The following PARD3B variants were observed in gnomAD, a reference collection of about 807,000 sequenced individuals.
The protein encoded by PARD3B is par-3 family cell polarity regulator beta.
In PARD3B, 103 loss-of-function variants were observed where a neutral mutation model predicts 130.2. That is an observed-to-expected ratio of 0.79 (90% CI 0.67 to 0.93). The LOEUF (loss-of-function observed/expected upper bound fraction) is 0.93, where lower values mean the gene tolerates loss of function less well. PARD3B is among the 40% of genes least tolerant of loss of function. PARD3B has a pLI of 0.00. For synonymous variants in PARD3B, 583 were observed against 553.2 expected (o/e 1.05, Z -0.76); for missense variants, 1,609 against 1,499.2 (o/e 1.07, Z -1.21).
intron 2 of PARD3B, among the ~76,000 whole-genome samples, chr2:204,736,775 T>C (rs2039775612): frequency 6.6e-6 from 1 of 152,204 alleles, no homozygotes; most frequent in African/African-American, 2.4e-5. Context: ...ATGACTTCTT[T>C]TCCTTTGGGT....
At chr2:205,184,246 G>C (rs562024712) in intron 13 of PARD3B, among the ~76,000 whole-genome samples, 2 of 152,236 alleles carry the variant, frequency 1.3e-5, no homozygotes, top group East Asian at 3.9e-4. Context: ...TATCCAGCAC[G>C]TGGACAAGCC....
chr2:205,257,246 A>G (rs1477907733), intron 16 of PARD3B, among the ~76,000 whole-genome samples: 1 of 152,150 alleles, frequency 6.6e-6, no homozygotes, highest in Non-Finnish European at 1.5e-5. Flanking sequence ...CCTACGAAAC[A>G]GCTTACAAAT....
intron 1 of PARD3B, among the ~76,000 whole-genome samples, chr2:204,617,700 C>T (rs1231183298): frequency 6.6e-6 from 1 of 152,194 alleles, no homozygotes; most frequent in Non-Finnish European, 1.5e-5. Flanking sequence ...AACTCCCACT[C>T]TCCACCCTCA....
At position 204,890,469 on chromosome 2, in the gene PARD3B, A is replaced by ATG. The variant is rs1384543369; in HGVS notation, c.223-74681_223-74680dup. On this transcript the variant is annotated intron_variant, in intron 2 of 22. Transcript: ENST00000406610. The surrounding 1 kb of genome is among the most constrained non-coding windows in gnomAD (Gnocchi z 4.9). ...TGAAATATATGCTTCTGACCAAAAC[A>ATG]TGTATACATTGAATATATATTAAAT... Among the ~76,000 whole-genome samples, 1 of 152,202 alleles carries ATG rather than the reference A, an allele frequency of 6.6e-6. No homozygotes were observed. Among genetic ancestry groups the ATG allele is most frequent in the Non-Finnish European group, 1.5e-5 (1 of 68,034 alleles).
chr2:204,692,425 T>C (rs888566317), intron 2 of PARD3B, among the ~76,000 whole-genome samples: 7 of 152,022 alleles, frequency 4.6e-5, no homozygotes, highest in Non-Finnish European at 1.0e-4. Context: ...GTGTAACTTA[T>C]TCAGTCTGTA....
intron 21 of PARD3B, among the ~76,000 whole-genome samples, chr2:205,523,943 GGTTTGAA>G (rs578156903): frequency 9.3e-5 from 14 of 151,082 alleles, no homozygotes; most frequent in Admixed American, 2.0e-4. Flanking sequence ...GATGTCTGGT[GGTTTGAA>G]GTTTGAAGTA....
intron 1 of PARD3B, among the ~76,000 whole-genome samples, chr2:204,660,179 A>G (rs545703771): frequency 6.6e-6 from 1 of 152,224 alleles, no homozygotes; most frequent in Admixed American, 6.5e-5. Context: ...TGAGTATAGA[A>G]CCTTCTGAAT....
At chr2:204,772,568 A>G (rs2041433235) in intron 2 of PARD3B, among the ~76,000 whole-genome samples, 1 of 151,960 alleles carries the variant, frequency 6.6e-6, no homozygotes, top group East Asian at 1.9e-4. Context: ...AAAGTAGAAC[A>G]CAGTTTATAT....
At chr2:205,450,349 C>T (rs752761399) in intron 20 of PARD3B, among the ~76,000 whole-genome samples, 46 of 151,864 alleles carry the variant, frequency 3.0e-4, no homozygotes, top group Non-Finnish European at 5.0e-4. Context: ...TGGTTAATTC[C>T]TAGCTCCAGC....
At chr2:205,436,382 T>C (rs113994413) in intron 19 of PARD3B, among the ~76,000 whole-genome samples, 19 of 152,188 alleles carry the variant, frequency 1.2e-4, no homozygotes, top group African/African-American at 4.6e-4. Context: ...ATATTCCCTC[T>C]ATGTTTTCAA....
chr2:204,666,575 GGAAGT>G (rs1268409104), intron 1 of PARD3B, among the ~76,000 whole-genome samples: 1 of 152,066 alleles, frequency 6.6e-6, no homozygotes, highest in African/African-American at 2.4e-5. Context: ...AAGAGTGAAG[GGAAGT>G]GAACAGCTTG....
chr2:204,690,662 C>A (rs1288408531), intron 2 of PARD3B, among the ~76,000 whole-genome samples: 1 of 152,126 alleles, frequency 6.6e-6, no homozygotes, highest in African/African-American at 2.4e-5. Context: ...GATTTTAGCC[C>A]AGTGAGACTT....
chr2:205,604,409 A>G (rs576203017), intron 22 of PARD3B, among the ~76,000 whole-genome samples: 5 of 152,270 alleles, frequency 3.3e-5, no homozygotes, highest in African/African-American at 9.6e-5. Context: ...TAAAACCATC[A>G]TATCTGATGA....
chr2:205,326,839 G>A (rs1414965494), intron 18 of PARD3B, among the ~76,000 whole-genome samples: 2 of 152,162 alleles, frequency 1.3e-5, no homozygotes, highest in East Asian at 3.8e-4. Context: ...TTCTTGTACA[G>A]TAGTAAATAC....
intron 20 of PARD3B, among the ~76,000 whole-genome samples, chr2:205,447,075 A>G (rs2047932273): frequency 6.6e-6 from 1 of 152,248 alleles, no homozygotes; most frequent in Non-Finnish European, 1.5e-5. Context: ...AAATATGGGC[A>G]TTTGTTTCTA....
chr2:204,614,407 A>G (rs1233108454), intron 1 of PARD3B, among the ~76,000 whole-genome samples: 1 of 152,152 alleles, frequency 6.6e-6, no homozygotes, highest in Non-Finnish European at 1.5e-5. Context: ...CAGGGGCCAC[A>G]TGTGACTAGT....
At chr2:205,551,351 C>CTT (rs781416650) in intron 21 of PARD3B, among the ~76,000 whole-genome samples, 12 of 139,976 alleles carry the variant, frequency 8.6e-5, no homozygotes, top group African/African-American at 2.6e-4. Context: ...TCTTCCTTTT[C>CTT]TTTTTTTTTT....
At chr2:204,672,617 T>C (rs945813147) in intron 1 of PARD3B, among the ~76,000 whole-genome samples, 2 of 152,238 alleles carry the variant, frequency 1.3e-5, no homozygotes, top group African/African-American at 4.8e-5. Flanking sequence ...ATGGAATGCA[T>C]TAGCCTACAG....
chr2:205,078,584 T>C lies in PARD3B; in HGVS notation c.505-25842T>C, dbSNP rs1233903394. ...AAATTCATGTAATTTTTTTAATCCA[T>C]AGGGTAAGTGTGGAGATTGTCAAAC... On this transcript the variant is annotated intron_variant, in intron 4 of 22. Transcript: ENST00000406610. The surrounding 1 kb of genome is among the most constrained non-coding windows in gnomAD (Gnocchi z 4.0). Among the ~76,000 whole-genome samples the C allele has an allele frequency of 6.6e-6, 1 of 152,168 alleles. No individual in the cohort carries two copies. The highest frequency in any genetic ancestry group is 1.5e-5 in the Non-Finnish European group (1 of 68,026).
Sources: allele counts gnomAD v4.1 joint callset (sites outside exome capture counted in the v4.1 genomes callset), GRCh38; gene constraint gnomAD v4.1.1; non-coding constraint Gnocchi (gnomAD v3.1); transcripts MANE v1.5; gene names NCBI Gene and HGNC (gene_info 2026-07-23, HGNC 2026-07-21).